Variants in CFAP100 observed in about 807,000 individuals in gnomAD.
The protein encoded by CFAP100 is cilia- and flagella-associated protein 100.
A neutral mutation model predicts 81.5 loss-of-function variants in CFAP100; 70 were observed. The observed-to-expected ratio is 0.86, with a 90% CI of 0.71 to 1.05. The LOEUF is 1.05. Among genes scored for constraint, CFAP100 ranks in the 50% least tolerant of loss-of-function variants. The probability of loss-of-function intolerance (pLI) is 0.00; values close to 1 mark genes in which losing one functional copy is unlikely to be tolerated. For synonymous variants in CFAP100, 341 were observed against 314.8 expected (o/e 1.08, Z -0.88); for missense variants, 811 against 776.5 (o/e 1.04, Z -0.53).
chr3:126,419,626 C>A lies in CFAP100; in HGVS notation c.732-11C>A. 1 of 1,611,648 alleles carries A rather than the reference C, an allele frequency of 6.2e-7. No individual in the cohort carries two copies. The highest frequency in any genetic ancestry group is 8.5e-7 in the Non-Finnish European group (1 of 1,178,646). On this transcript the variant is annotated splice_polypyrimidine_tract_variant and intron_variant, in intron 8 of 16. Coordinates refer to ENST00000352312, the MANE Select transcript of CFAP100 (RefSeq NM_182628.3). Reference sequence around the variant, plus strand: ...TCCTCCTTCCCACATCCTCACCCCGCCCCGGTGTAGTGAGATCTCCAGATT... The same window carrying A: ...TCCTCCTTCCCACATCCTCACCCCGACCCGGTGTAGTGAGATCTCCAGATT...
At position 126,423,348 on chromosome 3, in the gene CFAP100, C is replaced by T. The variant is rs201731331; in HGVS notation, c.1106C>T (p.Thr369Met). 515 of 1,613,602 alleles carry T rather than the reference C, an allele frequency of 3.2e-4. No individual in the cohort carries two copies. Among genetic ancestry groups the T allele is most frequent in the Non-Finnish European group, 4.0e-4 (468 of 1,179,798 alleles). Reference protein sequence around the residue: ...SRGSNSPIPPTQEDTDSDGEE... With the variant: ...SRGSNSPIPPMQEDTDSDGEE... ...AGGTCGAACTCTCCCATCCCCCCCA[C>T]GCAGGAGGACACCGACAGCGATGGG... Residue 369 changes from threonine (T) to methionine (M), a missense_variant, in exon 12 of 17, where the codon ACG becomes ATG. Transcript: ENST00000352312.
chr3:126,417,797 G>T (rs1200595359), intron 5 of CFAP100, among the ~76,000 whole-genome samples: 1 of 152,248 alleles, frequency 6.6e-6, no homozygotes, highest in African/African-American at 2.4e-5. Context: ...GGAGAGGAAA[G>T]GGTGTGAGGG....
rs549711530 is a variant in CFAP100, at chr3:126,436,301, C to T, written c.1733C>T (p.Thr578Ile). The T allele has an allele frequency of 1.2e-6, 2 of 1,613,600 alleles. No individual in the cohort carries two copies. Among genetic ancestry groups the T allele is most frequent in the African/African-American group, 1.3e-5 (1 of 75,028 alleles). Reference protein sequence around the residue: ...QAEIKKKRGRTLVCRSRPPAH... With the variant: ...QAEIKKKRGRILVCRSRPPAH... ...TTGTTTCCCCTGCAGAGAGGCAGGA[C>T]ACTGGTATGCCGCTCACGACCCCCA... The change falls in exon 17 of 17, where the codon ACA (threonine) becomes ATA (isoleucine). Residue 578 changes from threonine (T) to isoleucine (I), a missense_variant. Physicochemically the swap from Thr to Ile is moderately conservative, Grantham distance 89. Transcript: ENST00000352312.
At chr3:126,427,172 G>A (rs1932976481) in intron 13 of CFAP100, among the ~76,000 whole-genome samples, 1 of 152,204 alleles carries the variant, frequency 6.6e-6, no homozygotes, top group Non-Finnish European at 1.5e-5. Context: ...TATATGAAGA[G>A]TCAAAATACC....
At chr3:126,420,332 T>G in intron 11 of CFAP100, 103 bp downstream of exon 11, 2 of 1,475,890 alleles carry the variant, frequency 1.4e-6, no homozygotes, top group Non-Finnish European at 1.8e-6. Context: ...AAAGAAAGTG[T>G]GTTACTCACA....
intron 8 of CFAP100, 70 bp from the exon 9 acceptor site, chr3:126,419,567 C>T (rs1298927923): frequency 2.8e-6 from 4 of 1,450,202 alleles, no homozygotes; most frequent in East Asian, 2.3e-5. Flanking sequence ...GGGGTGGCCC[C>T]GGCATGGGGA....
chr3:126,422,756 G>A (rs1195673768), intron 11 of CFAP100, among the ~76,000 whole-genome samples: 7 of 152,216 alleles, frequency 4.6e-5, no homozygotes, highest in African/African-American at 1.4e-4. Context: ...CCCAGGACAG[G>A]GGCCAAGACT....
chr3:126,404,690 T>C (rs1374094154), intron 2 of CFAP100, among the ~76,000 whole-genome samples: 1 of 152,164 alleles, frequency 6.6e-6, no homozygotes, highest in Non-Finnish European at 1.5e-5. Flanking sequence ...AGGTTTTTTT[T>C]CTGAGATGGA....
rs143433382 is a variant in CFAP100 at position 126,418,724 on chromosome 3, C to G, written c.600C>G (p.Phe200Leu). ...EKSLEKDAAL[F>L]DEFVRENDCS... ...CCCTGGAGAAGGACGCCGCCTTGTTCGACGAGTTCGTCAGGGAGAATGACT... is the reference window on the plus strand; with the variant it reads ...CCCTGGAGAAGGACGCCGCCTTGTTGGACGAGTTCGTCAGGGAGAATGACT... The change falls in exon 7 of 17, where the codon TTC becomes TTG. Residue 200 changes from phenylalanine (F) to leucine (L), a missense_variant. Transcript: ENST00000352312. The G allele has an allele frequency of 1.3e-6, 2 of 1,595,424 alleles. No individual in the cohort carries two copies. Among genetic ancestry groups the G allele is most frequent in the African/African-American group, 1.3e-5 (1 of 74,556 alleles).
chr3:126,419,275 C>T, intron 8 of CFAP100, 119 bp downstream of exon 8: 1 of 667,690 alleles, frequency 1.5e-6, no homozygotes, highest in East Asian at 2.8e-5. Context: ...CCCAGGGACT[C>T]TGCTTCCATG....
chr3:126,419,018 A>G, intron 7 of CFAP100, 58 bp from the exon 8 acceptor site: 1 of 1,136,574 alleles, frequency 8.8e-7, no homozygotes, highest in Non-Finnish European at 1.3e-6. Flanking sequence ...ACCCCTCTTT[A>G]ATAGGCTGCC....
At position 126,430,912 on chromosome 3, in the gene CFAP100, A is replaced by G. The variant is rs191390276; in HGVS notation, c.1287-2157A>G. 7.1e-4 allele frequency among the ~76,000 whole-genome samples: 108 copies of G among 151,692 alleles called. 1 individual carries two copies. In the East Asian group the frequency reaches 0.016, roughly 22 times the overall value. On this transcript the variant is annotated intron_variant, in intron 13 of 16. Coordinates refer to ENST00000352312, the MANE Select transcript of CFAP100 (RefSeq NM_182628.3). ...TTTTTCAGGCAGATTGTAGATCTTT[A>G]TTTCTTTAGGGTCAATAACTGGAGG...
At position 126,423,529 on chromosome 3, in the gene CFAP100, CTGGATGTCTT is replaced by C; in HGVS notation, c.1172_1181del (p.Leu391ProfsTer11). 1 of 1,614,202 alleles carries C rather than the reference CTGGATGTCTT, an allele frequency of 6.2e-7. No homozygotes were observed. The highest frequency in any genetic ancestry group is 8.5e-7 in the Non-Finnish European group (1 of 1,180,040). ...GTACTTCACGGAGCCCCAGCAGCTC[CTGGATGTCTT>C]CCGAGAGCTGGAGGAGCAGAACCTG... On this transcript the variant is annotated frameshift_variant, in exon 13 of 17. Transcript: ENST00000352312. LOFTEE classifies it high-confidence loss of function.
intron 9 of CFAP100, 29 bp downstream of exon 9, chr3:126,419,847 G>A: frequency 1.2e-6 from 2 of 1,611,922 alleles, no homozygotes; most frequent in Non-Finnish European, 8.5e-7. Flanking sequence ...TGGGTTCCCA[G>A]GTGGGCTCTG....
At position 126,436,313 on chromosome 3, in the gene CFAP100, G is replaced by A. The variant is rs147792825; in HGVS notation, c.1745G>A (p.Arg582His). Residue 582 changes from arginine to histidine, a missense_variant, in exon 17 of 17, where the codon CGC becomes CAC. Coordinates refer to ENST00000352312, the MANE Select transcript of CFAP100 (RefSeq NM_182628.3). Reference sequence around the variant, plus strand: ...CAGAGAGGCAGGACACTGGTATGCCGCTCACGACCCCCAGCCCACAGGATC... The same window carrying A: ...CAGAGAGGCAGGACACTGGTATGCCACTCACGACCCCCAGCCCACAGGATC... ...KKKRGRTLVC[R>H]SRPPAHRIKQ... 3.0e-5 allele frequency: 48 copies of A among 1,613,576 alleles called. No individual in the cohort carries two copies. The South Asian group carries it at 3.3e-4, about 11-fold the overall frequency.
Position 126,400,609 on chromosome 3 carries a change from G to A in CFAP100, c.49+4560G>A, listed in dbSNP as rs554999275. Among the ~76,000 whole-genome samples, 7 of 152,172 alleles carry A rather than the reference G, an allele frequency of 4.6e-5. No homozygotes were observed. The East Asian group carries it at 7.7e-4, about 17-fold the overall frequency. On this transcript the variant is annotated intron_variant, in intron 2 of 16. Coordinates refer to ENST00000352312, the MANE Select transcript of CFAP100 (RefSeq NM_182628.3). Reference sequence around the variant, plus strand: ...TCTACTAAAAATACAAAAAATAACCGGGCATGGTGGCGGGCACCTGTAGTC... The same window carrying A: ...TCTACTAAAAATACAAAAAATAACCAGGCATGGTGGCGGGCACCTGTAGTC...
Position 126,420,101 on chromosome 3 carries a change from A to G in CFAP100, c.956-2A>G. On this transcript the variant is annotated splice_acceptor_variant, in intron 10 of 16. Transcript: ENST00000352312. LOFTEE classifies it high-confidence loss of function. Reference sequence around the variant, plus strand: ...CGGAAACTATTCCTCTGCTTTCTCCAGAGGGTCAGGGTACAAAGAAGCCCT... The same window carrying G: ...CGGAAACTATTCCTCTGCTTTCTCCGGAGGGTCAGGGTACAAAGAAGCCCT... 1 of 1,613,328 alleles carries G rather than the reference A, an allele frequency of 6.2e-7. No individual in the cohort carries two copies. Among genetic ancestry groups the G allele is most frequent in the East Asian group, 2.2e-5 (1 of 44,884 alleles).
At chr3:126,421,532 C>A (rs2083331843) in intron 11 of CFAP100, among the ~76,000 whole-genome samples, 1 of 152,212 alleles carries the variant, frequency 6.6e-6, no homozygotes, top group Non-Finnish European at 1.5e-5. Flanking sequence ...GAAGTGGGCA[C>A]TGTAGGGCTC....
Position 126,408,253 on chromosome 3 carries a change from G to A in CFAP100, c.130+1001G>A, listed in dbSNP as rs148408517. ...GACATGTCATTTCATCCACTTCAGC[G>A]TGCACTTCTCAACAATAGGGGTGTT... is the stretch of plus-strand genomic sequence containing the variant. On this transcript the variant is annotated intron_variant, in intron 3 of 16. Coordinates refer to ENST00000352312, the MANE Select transcript of CFAP100 (RefSeq NM_182628.3). 2.5e-4 allele frequency among the ~76,000 whole-genome samples: 38 copies of A among 152,158 alleles called. No individual in the cohort carries two copies. The East Asian group carries it at 4.1e-3, about 16-fold the overall frequency.
Sources: allele counts gnomAD v4.1 joint callset (sites outside exome capture counted in the v4.1 genomes callset), GRCh38; gene constraint gnomAD v4.1.1; transcripts MANE v1.5; gene names NCBI Gene and HGNC (gene_info 2026-07-23, HGNC 2026-07-21).